ASPH: variants seen among roughly 807,000 people sequenced by gnomAD.
ASPH encodes the protein aspartyl/asparaginyl beta-hydroxylase.
Under a neutral mutation model 118.4 loss-of-function variants are expected in ASPH, and 100 were observed. The observed-to-expected ratio is 0.84, with a 90% confidence interval of 0.72 to 1.00. ASPH has a LOEUF of 1.00. Among genes scored for constraint, ASPH ranks in the 50% least tolerant of loss-of-function variants. ASPH has a pLI of 0.00. For synonymous variants in ASPH, 315 were observed against 325.6 expected (o/e 0.97, Z 0.35); for missense variants, 920 against 919.5 (o/e 1.00, Z -0.01).
chr8:61,521,666 G>C (rs780277724), intron 22 of ASPH, among the ~76,000 whole-genome samples: 3 of 152,182 alleles, frequency 2.0e-5, no homozygotes, highest in African/African-American at 7.2e-5. Flanking sequence ...CTTTGTTGTC[G>C]TTTGATTATT....
intron 3 of ASPH, chr8:61,676,140 C>T: frequency 6.3e-7 from 1 of 1,599,440 alleles, no homozygotes; most frequent in Non-Finnish European, 8.5e-7. Flanking sequence ...TGTGACGTAC[C>T]ATCAACACCA....
chr8:61,683,080 G>T (rs4633055), intron 2 of ASPH, among the ~76,000 whole-genome samples: 71,484 of 151,892 alleles, frequency 0.47, 17,106 homozygotes, highest in Middle Eastern at 0.53. Context: ...CAAAAAGGCA[G>T]ATACAAAAGA....
intron 3 of ASPH, among the ~76,000 whole-genome samples, chr8:61,654,393 C>A (rs1030905857): frequency 6.6e-6 from 1 of 152,052 alleles, no homozygotes; most frequent in South Asian, 2.1e-4. Flanking sequence ...ATTTAGAAAA[C>A]AGCTAAATTC....
At chr8:61,690,233 A>C (rs1351525455) in intron 1 of ASPH, among the ~76,000 whole-genome samples, 1 of 152,206 alleles carries the variant, frequency 6.6e-6, no homozygotes, top group Non-Finnish European at 1.5e-5. Flanking sequence ...AATGAAACAA[A>C]ACCATACATA....
intron 1 of ASPH, among the ~76,000 whole-genome samples, chr8:61,698,831 G>A (rs1709995483): frequency 6.6e-6 from 1 of 152,174 alleles, no homozygotes; most frequent in South Asian, 2.1e-4. Context: ...TATCACAGAT[G>A]GCCAACAAGC....
At chr8:61,562,906 AT>A in intron 17 of ASPH, 26 bp from the exon 18 acceptor site, 1 of 1,557,566 alleles carries the variant, frequency 6.4e-7, no homozygotes, top group African/African-American at 1.4e-5. Context: ...TTTAAAAAAA[AT>A]AGAAATAAAA....
At chr8:61,556,290 G>A (rs941064419) in intron 18 of ASPH, among the ~76,000 whole-genome samples, 2 of 152,124 alleles carry the variant, frequency 1.3e-5, no homozygotes, top group African/African-American at 4.8e-5. Context: ...GGCAATAACC[G>A]TTAAAGCATC....
intron 14 of ASPH, among the ~76,000 whole-genome samples, chr8:61,584,426 A>G (rs898007237): frequency 1.1e-4 from 16 of 152,220 alleles, no homozygotes; most frequent in African/African-American, 3.6e-4. Flanking sequence ...TCTGATACAG[A>G]TAAAGATGAA....
At chr8:61,660,915 A>C (rs918507558) in intron 3 of ASPH, 10 of 152,222 alleles carry the variant, frequency 6.6e-5, no homozygotes, top group Admixed American at 1.3e-4. Flanking sequence ...ATCTATGGAA[A>C]AATGTGTTCT....
chr8:61,621,695 TGTG>T (rs1374145378), intron 13 of ASPH, among the ~76,000 whole-genome samples: 1 of 152,248 alleles, frequency 6.6e-6, no homozygotes, highest in Non-Finnish European at 1.5e-5. Flanking sequence ...TAAAGAATCT[TGTG>T]TAGGATTACA....
intron 13 of ASPH, chr8:61,625,503 A>G (rs1399892865): frequency 1.0e-6 from 1 of 985,254 alleles, no homozygotes; most frequent in Non-Finnish European, 1.2e-6. Context: ...TTATATGATT[A>G]ATCTGAGGTG....
intron 24 of ASPH, among the ~76,000 whole-genome samples, chr8:61,511,038 C>T (rs764137879): frequency 6.6e-6 from 1 of 152,106 alleles, no homozygotes; most frequent in Admixed American, 6.5e-5. Flanking sequence ...AAATTATCTC[C>T]TTGGACACTT....
At chr8:61,658,156 GGCT>G (rs1814770454) in intron 3 of ASPH, 5 of 152,252 alleles carry the variant, frequency 3.3e-5, no homozygotes, top group Non-Finnish European at 5.9e-5. Flanking sequence ...TGTCGCTCCT[GGCT>G]TGTGTAATCA....
At chr8:61,612,985 A>G (rs1464174031) in intron 14 of ASPH, among the ~76,000 whole-genome samples, 1 of 152,230 alleles carries the variant, frequency 6.6e-6, no homozygotes, top group Non-Finnish European at 1.5e-5. Flanking sequence ...ATGAAGGGGC[A>G]AGAATGAAAG....
At chr8:61,676,257 C>T in intron 3 of ASPH, 1 of 1,592,364 alleles carries the variant, frequency 6.3e-7, no homozygotes, top group East Asian at 2.2e-5. Flanking sequence ...CTTTCCTCTG[C>T]TAAAATATTA....
chr8:61,656,163 A>C (rs1003113844), intron 3 of ASPH: 1 of 152,228 alleles, frequency 6.6e-6, no homozygotes, highest in African/African-American at 2.4e-5. Context: ...ATGAGGTACA[A>C]GTGGCAATGA....
rs767643592 is a variant in ASPH at position 61,642,938 on chromosome 8, A to G, written c.758-18T>C. ...TACATCATCTGAAAAAAAAAAGAGA[A>G]TAAAAGCAAAATAAGTATTAACTGA... On this transcript the variant is annotated intron_variant, in intron 9 of 24. Coordinates refer to ENST00000379454, the MANE Select transcript of ASPH (RefSeq NM_004318.4). The G allele has an allele frequency of 6.4e-7, 1 of 1,557,672 alleles. No homozygotes were observed. The highest frequency in any genetic ancestry group is 8.6e-7 in the Non-Finnish European group (1 of 1,157,680).
intron 22 of ASPH, among the ~76,000 whole-genome samples, chr8:61,518,702 T>C (rs1477597595): frequency 6.6e-6 from 1 of 152,200 alleles, no homozygotes; most frequent in Non-Finnish European, 1.5e-5. Context: ...GTTTACATCA[T>C]CTGTTTACAA....
At chr8:61,600,368 G>A (rs1042789648) in intron 14 of ASPH, among the ~76,000 whole-genome samples, 1 of 146,214 alleles carries the variant, frequency 6.8e-6, no homozygotes, top group African/African-American at 2.8e-5. Flanking sequence ...TAGTATTGGA[G>A]GTCCAAGCCA....
Sources: allele counts gnomAD v4.1 joint callset (sites outside exome capture counted in the v4.1 genomes callset), GRCh38; gene constraint gnomAD v4.1.1; transcripts MANE v1.5; gene names NCBI Gene and HGNC (gene_info 2026-07-23, HGNC 2026-07-21).